The following SCN8A variants were observed in gnomAD, a reference collection of about 807,000 sequenced individuals.
SCN8A encodes the protein sodium voltage-gated channel alpha subunit 8, also known as sodium channel protein type 8 subunit alpha.
In SCN8A, 30 loss-of-function variants were observed where a neutral mutation model predicts 184.1. The ratio of observed to expected loss-of-function variants is 0.16; its 90% CI spans 0.12 to 0.22. The LOEUF (loss-of-function observed/expected upper bound fraction) is 0.22. SCN8A is among the 10% of genes least tolerant of loss of function. SCN8A has a pLI of 1.00. For missense variants in SCN8A, 1,057 were observed against 2,498.9 expected (o/e 0.42, Z 12.30); for synonymous variants, 852 against 907.0 (o/e 0.94, Z 1.09).
At chr12:51,730,530 G>A (rs1215453226) in intron 12 of SCN8A, among the ~76,000 whole-genome samples, 1 of 152,022 alleles carries the variant, frequency 6.6e-6, no homozygotes, top group East Asian at 1.9e-4. Flanking sequence ...CTATTCTAGA[G>A]CCTTTGCATG....
At position 51,598,778 on chromosome 12, in the gene SCN8A, C is replaced by T. The variant is rs564806797; in HGVS notation, c.-55+7419C>T. 5.7e-4 allele frequency among the ~76,000 whole-genome samples: 87 copies of T among 152,280 alleles called. 1 individual carries two copies. The highest frequency in any genetic ancestry group is 2.0e-3 in the African/African-American group (83 of 41,560). Reference sequence around the variant, plus strand: ...AATGCTTCCTGCATACATACATGCACATATACATATTGTCTCCCCCTGCTC... The same window carrying T: ...AATGCTTCCTGCATACATACATGCATATATACATATTGTCTCCCCCTGCTC... On this transcript the variant is annotated intron_variant, in intron 1 of 26. Transcript: ENST00000627620.
intron 2 of SCN8A, among the ~76,000 whole-genome samples, chr12:51,666,943 T>C (rs1941044735): frequency 6.6e-6 from 1 of 152,216 alleles, no homozygotes; most frequent in Non-Finnish European, 1.5e-5. Context: ...CATCCTCTCT[T>C]TGAATTGCCT....
rs1476478954 is a variant in SCN8A, at chr12:51,712,661, T to G, written c.1635+5946T>G. 3 of 817,934 alleles carry G rather than the reference T, an allele frequency of 3.7e-6. No individual in the cohort carries two copies. The East Asian group carries it at 7.2e-5, about 20-fold the overall frequency. The allele number at this position is 817,934 out of a possible 1,614,324, so 50.7% of individuals were successfully genotyped here. A position where few individuals can be genotyped will look rare whatever the true frequency, so the allele number is the denominator to read the frequency against. ...ACCACCGCCAAAATTTCCTCCTTCA[T>G]TGTAACCATCATATCCTCCACCACC... On this transcript the variant is annotated intron_variant, in intron 11 of 26. Coordinates refer to ENST00000627620, the MANE Select transcript of SCN8A (RefSeq NM_001330260.2).
intron 12 of SCN8A, among the ~76,000 whole-genome samples, chr12:51,730,701 CA>C (rs1271211422): frequency 6.6e-6 from 1 of 152,146 alleles, no homozygotes; most frequent in Non-Finnish European, 1.5e-5. Context: ...CTTTGTATTA[CA>C]AACAATCCAG....
chr12:51,622,507 G>A (rs1435648265), intron 1 of SCN8A, among the ~76,000 whole-genome samples: 1 of 152,092 alleles, frequency 6.6e-6, no homozygotes, highest in Non-Finnish European at 1.5e-5. Flanking sequence ...GAGGTATTTT[G>A]TAGAACACCC....
rs1447697193 is a variant in SCN8A at position 51,759,000 on chromosome 12, G to GTGTA, written c.2371-3502_2371-3501insGTAT. Among the ~76,000 whole-genome samples the GTGTA allele has an allele frequency of 1.2e-3, 179 of 149,772 alleles. 1 individual carries two copies. The highest frequency in any genetic ancestry group is 4.2e-3 in the African/African-American group (172 of 40,564). On this transcript the variant is annotated intron_variant, in intron 14 of 26. Coordinates refer to ENST00000627620, the MANE Select transcript of SCN8A (RefSeq NM_001330260.2). ...TGTATGTATATGTGTGTGTGTGTGT[G>GTGTA]TATATATATATATACGTGTGTGTAT... is the stretch of plus-strand genomic sequence containing the variant.
rs1942882332 is a variant in SCN8A, at chr12:51,769,077, T to C, written c.3114T>C (p.Tyr1038=). ...AGGTGAAGCCTCTGGATGAGTTGTA[T>C]GAAAAGAAGGCCAACTGTATCGCCA... is the stretch of plus-strand genomic sequence containing the variant. ...ADEVKPLDEL[Y]EKKANCIANH... Residue 1038 remains tyrosine, a synonymous_variant, in exon 17 of 27, where the codon TAT becomes TAC. Transcript: ENST00000627620. The C allele has an allele frequency of 6.2e-7, 1 of 1,613,812 alleles. No homozygotes were observed. The highest frequency in any genetic ancestry group is 8.5e-7 in the Non-Finnish European group (1 of 1,179,876).
intron 6 of SCN8A, among the ~76,000 whole-genome samples, chr12:51,697,004 A>G (rs1401370626): frequency 6.9e-6 from 1 of 144,694 alleles, no homozygotes; most frequent in Non-Finnish European, 1.5e-5. Flanking sequence ...GTGCCATTGC[A>G]CTCCAGCCTG....
intron 6 of SCN8A, among the ~76,000 whole-genome samples, chr12:51,692,323 G>C (rs974637727): frequency 6.6e-6 from 1 of 152,178 alleles, no homozygotes; most frequent in Non-Finnish European, 1.5e-5. Context: ...GTCTTTGGTA[G>C]ATATTCTGAG....
chr12:51,653,162 A>T (rs1282661045), intron 1 of SCN8A, among the ~76,000 whole-genome samples: 2 of 152,180 alleles, frequency 1.3e-5, no homozygotes, highest in Admixed American at 1.3e-4. Flanking sequence ...TCTACTAAAA[A>T]TACAAAAATT....
intron 1 of SCN8A, among the ~76,000 whole-genome samples, chr12:51,657,238 A>G (rs1016376705): frequency 1.3e-5 from 2 of 152,130 alleles, no homozygotes; most frequent in African/African-American, 4.8e-5. Context: ...CATGTATACA[A>G]TGTGTGTAAT....
chr12:51,758,859 A>G (rs1592146399), intron 14 of SCN8A, among the ~76,000 whole-genome samples: 3 of 152,210 alleles, frequency 2.0e-5, no homozygotes, highest in Admixed American at 6.5e-5. Flanking sequence ...AGATATGTAC[A>G]GTAGTCCTCT....
At chr12:51,604,972 G>A (rs1400590579) in intron 1 of SCN8A, among the ~76,000 whole-genome samples, 2 of 152,110 alleles carry the variant, frequency 1.3e-5, no homozygotes, top group African/African-American at 4.8e-5. Context: ...CCTGATGGGT[G>A]TTTTTTTGTT....
chr12:51,770,314 C>A, intron 18 of SCN8A: 1 of 602,510 alleles, frequency 1.7e-6, no homozygotes, highest in Non-Finnish European at 2.9e-6. Context: ...TGTAGGACAT[C>A]TTCTTGACTC....
In SCN8A at chr12:51,702,953, A is replaced by C. The variant is rs1266703859; in HGVS notation, c.1134+39A>C. The C allele has an allele frequency of 1.9e-6, 3 of 1,540,530 alleles. No homozygotes were observed. The South Asian group carries it at 3.7e-5, about 19-fold the overall frequency. On this transcript the variant is annotated intron_variant, in intron 9 of 26. Coordinates refer to ENST00000627620, the MANE Select transcript of SCN8A (RefSeq NM_001330260.2). ...CTTTTCCTTTGGCCATAGAGTTTGC[A>C]TGAGCTTATATGGGGTTGGGGACCT... is the stretch of plus-strand genomic sequence containing the variant.
Position 51,684,245 on chromosome 12 carries a change from T to C in SCN8A, c.348T>C (p.Ser116=), listed in dbSNP as rs1319999285. The C allele has an allele frequency of 6.2e-7, 1 of 1,608,714 alleles. No homozygotes were observed. ...FSATPALYIL[S]PFNLIRRIAI... The stretch of plus-strand genomic sequence containing the variant: ...CCACGCCTGCCTTGTACATTTTAAG[T>C]CCTTTTAACCTGATAAGAAGAATAG... The change falls in exon 3 of 27, where the codon AGT becomes AGC. Residue 116 remains serine, a synonymous_variant. Coordinates refer to ENST00000627620, the MANE Select transcript of SCN8A (RefSeq NM_001330260.2).
chr12:51,644,029 C>T (rs1338471578), intron 1 of SCN8A, among the ~76,000 whole-genome samples: 2 of 152,180 alleles, frequency 1.3e-5, no homozygotes, highest in African/African-American at 4.8e-5. Context: ...TTACTTTATT[C>T]AACACATAAT....
intron 12 of SCN8A, among the ~76,000 whole-genome samples, chr12:51,744,330 C>T (rs1942474552): frequency 6.6e-6 from 1 of 152,174 alleles, no homozygotes; most frequent in African/African-American, 2.4e-5. Flanking sequence ...TAGAGATTTG[C>T]CTGATGTTCT....
intron 1 of SCN8A, among the ~76,000 whole-genome samples, chr12:51,613,983 C>T (rs117801296): frequency 2.6e-5 from 4 of 152,106 alleles, no homozygotes; most frequent in Non-Finnish European, 5.9e-5. Context: ...TCTAGCTTGG[C>T]GACTGTACAT....
Sources: allele counts gnomAD v4.1 joint callset (sites outside exome capture counted in the v4.1 genomes callset), GRCh38; gene constraint gnomAD v4.1.1; transcripts MANE v1.5; gene names NCBI Gene and HGNC (gene_info 2026-07-23, HGNC 2026-07-21).